MID1: variants seen among roughly 807,000 people sequenced by gnomAD.
MID1 encodes E3 ubiquitin-protein ligase Midline-1.
MID1 carries 7 observed loss-of-function variants against 40.4 expected under a neutral mutation model. The observed-to-expected ratio is 0.17, with a 90% CI of 0.10 to 0.33. MID1 has a LOEUF of 0.33. Among genes scored for constraint, MID1 ranks in the 10% least tolerant of loss-of-function variants. MID1 has a pLI of 1.00. For synonymous variants in MID1, 229 were observed against 221.2 expected, an observed-to-expected ratio of 1.04 and a Z score of -0.31; for missense variants, 367 against 558.5, an observed-to-expected ratio of 0.66 and a Z score of 3.46.
chrX:10,728,739 T>C (rs1602542161), intron 1 of MID1, among the ~76,000 whole-genome samples: 1 of 112,146 alleles, frequency 8.9e-6, no homozygotes, highest in East Asian at 2.8e-4. Flanking sequence ...AGTTAGCTTA[T>C]GATATTTTAA....
chrX:10,474,200 CGAT>C (rs1929871994), intron 6 of MID1, among the ~76,000 whole-genome samples: 1 of 111,637 alleles, frequency 9.0e-6, no homozygotes, highest in Non-Finnish European at 1.9e-5. Context: ...TACCTCAACT[CGAT>C]GTTGTGCAAA....
intron 2 of MID1, among the ~76,000 whole-genome samples, chrX:10,557,733 C>T (rs1299769811): frequency 8.9e-6 from 1 of 112,067 alleles, no homozygotes; most frequent in Non-Finnish European, 1.9e-5. Context: ...CATGCATTGT[C>T]CCCACTGTGT....
chrX:10,521,607 T>C (rs904868459), intron 3 of MID1, among the ~76,000 whole-genome samples: 4 of 111,538 alleles, frequency 3.6e-5, no homozygotes, highest in African/African-American at 1.3e-4. Flanking sequence ...TGGGAGAAGA[T>C]GGAAGAGGAA....
At chrX:10,654,575 C>A (rs1159095731) in intron 1 of MID1, among the ~76,000 whole-genome samples, 2 of 111,790 alleles carry the variant, frequency 1.8e-5, no homozygotes, top group East Asian at 5.6e-4. Context: ...GAGTCTAATG[C>A]CGCCGCTGAT....
chrX:10,816,057 T>G (rs1340178227), intron 1 of MID1, among the ~76,000 whole-genome samples: 3 of 112,232 alleles, frequency 2.7e-5, no homozygotes, highest in African/African-American at 9.7e-5. Flanking sequence ...TTTCTGTGAC[T>G]GAGGCCCACC....
intron 1 of MID1, among the ~76,000 whole-genome samples, chrX:10,730,489 T>G: frequency 9.0e-6 from 1 of 111,014 alleles, no homozygotes; most frequent in Non-Finnish European, 1.9e-5. Flanking sequence ...AGTCTGGGCT[T>G]TCAGTGTAAC....
chrX:10,588,720 G>A (rs925631751), intron 1 of MID1, among the ~76,000 whole-genome samples: 5 of 109,767 alleles, frequency 4.6e-5, no homozygotes, highest in African/African-American at 6.7e-5. Context: ...TCTGCCAGCC[G>A]CTTATGCTGC....
chrX:10,809,249 A>T (rs1269033152), intron 1 of MID1, among the ~76,000 whole-genome samples: 1 of 111,960 alleles, frequency 8.9e-6, no homozygotes, highest in African/African-American at 3.3e-5. Flanking sequence ...CACCAGTTAG[A>T]ATGGTGATCA....
At chrX:10,470,412 G>A (rs754136106) in intron 6 of MID1, among the ~76,000 whole-genome samples, 5 of 112,076 alleles carry the variant, frequency 4.5e-5, no homozygotes, top group Admixed American at 2.8e-4. Flanking sequence ...CTATTAATAC[G>A]TGGTGCCAGA....
intron 1 of MID1, among the ~76,000 whole-genome samples, chrX:10,705,105 A>C (rs1340692264): frequency 8.9e-6 from 1 of 111,983 alleles, no homozygotes; most frequent in Non-Finnish European, 1.9e-5. Context: ...ATAAAGAAAA[A>C]AGAAGATAAT....
Position 10,707,820 on chromosome X carries a change from C to T in MID1, c.-186-87401G>A, listed in dbSNP as rs139302934. 8.4e-3 allele frequency among the ~76,000 whole-genome samples: 944 copies of T among 112,397 alleles called. 10 individuals carry two copies. Among genetic ancestry groups the T allele is most frequent in the African/African-American group, 0.029 (899 of 30,998 alleles). On this transcript the variant is annotated intron_variant, in intron 1 of 10. Coordinates refer to the MID1 transcript ENST00000380785. ...CTGGTGTAATATTTTCTTTTGCTCT[C>T]AATGTGTGAATTATTAAAAATAAGC...
intron 5 of MID1, among the ~76,000 whole-genome samples, chrX:10,478,874 T>C (rs1055091094): frequency 2.7e-5 from 3 of 112,000 alleles, no homozygotes; most frequent in Admixed American, 9.5e-5. Flanking sequence ...CACACCTGAA[T>C]TGAAGAATAA....
At chrX:10,624,053 C>T (rs773453449), upstream of MID1, among the ~76,000 whole-genome samples, 2 of 112,574 alleles carry the variant, frequency 1.8e-5, no homozygotes, top group South Asian at 7.3e-4. Flanking sequence ...AAAGTTTCTA[C>T]TTCCTGTGTA....
chrX:10,520,720 A>G (rs1177409735), intron 3 of MID1, among the ~76,000 whole-genome samples: 1 of 111,714 alleles, frequency 9.0e-6, no homozygotes, highest in East Asian at 2.8e-4. Flanking sequence ...GAGAGTCATC[A>G]TGCAAATTCA....
intron 1 of MID1, among the ~76,000 whole-genome samples, chrX:10,645,597 G>T (rs1004728939): frequency 8.9e-6 from 1 of 111,971 alleles, no homozygotes; most frequent in African/African-American, 3.3e-5. Flanking sequence ...AGTAGTGAGG[G>T]GCTGGGCTTT....
intron 2 of MID1, among the ~76,000 whole-genome samples, chrX:10,527,270 A>T (rs988079501): frequency 6.3e-5 from 7 of 111,523 alleles, no homozygotes; most frequent in African/African-American, 2.3e-4. Flanking sequence ...GTTTTGTAGA[A>T]ATCCAAGGAG....
At chrX:10,611,166 C>T (rs143954990) in intron 1 of MID1, among the ~76,000 whole-genome samples, 71 of 111,933 alleles carry the variant, frequency 6.3e-4, no homozygotes, top group African/African-American at 2.1e-3. Flanking sequence ...AAAACATGTG[C>T]ACCAAAAAGC....
At chrX:10,553,686 A>C (rs1416640079) in intron 2 of MID1, among the ~76,000 whole-genome samples, 1 of 112,189 alleles carries the variant, frequency 8.9e-6, no homozygotes, top group Non-Finnish European at 1.9e-5. Context: ...GAAACTATTG[A>C]GTATTGGATA....
intron 4 of MID1, among the ~76,000 whole-genome samples, chrX:10,491,425 G>C (rs1930943777): frequency 9.2e-6 from 1 of 109,100 alleles, no homozygotes; most frequent in African/African-American, 3.3e-5. Context: ...ACCTTTTTTG[G>C]GGGTGGGGGG....
Sources: allele counts gnomAD v4.1 joint callset (sites outside exome capture counted in the v4.1 genomes callset), GRCh38; gene constraint gnomAD v4.1.1; transcripts MANE v1.5; gene names NCBI Gene and HGNC (gene_info 2026-07-23, HGNC 2026-07-21).